The following NRG1 variants were observed in gnomAD, a reference collection of about 807,000 sequenced individuals.
NRG1 encodes pro-neuregulin-1, membrane-bound isoform.
A neutral mutation model predicts 63.8 loss-of-function variants in NRG1; 18 were observed. The observed-to-expected ratio is 0.28, with a 90% confidence interval of 0.19 to 0.42. The LOEUF (loss-of-function observed/expected upper bound fraction) is 0.42, where lower values mean the gene tolerates loss of function less well. Ranked by LOEUF, NRG1 falls within the 10% of genes least tolerant of loss-of-function variation. The pLI is 1.00. For synonymous variants in NRG1, 302 were observed against 301.3 expected (o/e 1.00, Z -0.02); for missense variants, 762 against 814.7 (o/e 0.94, Z 0.79).
At chr8:32,068,558 C>T (rs1041942602) in intron 1 of NRG1, among the ~76,000 whole-genome samples, 2 of 152,058 alleles carry the variant, frequency 1.3e-5, no homozygotes, top group Non-Finnish European at 2.9e-5. Flanking sequence ...GAGAGGAAGT[C>T]AATAGTGATG....
At chr8:31,876,608 T>C (rs941475164) in intron 1 of NRG1, among the ~76,000 whole-genome samples, 5 of 152,110 alleles carry the variant, frequency 3.3e-5, no homozygotes, top group African/African-American at 1.2e-4. Context: ...ACTAGACCAG[T>C]GGGGCTGAGA....
At chr8:32,198,735 A>G (rs973148884) in intron 1 of NRG1, among the ~76,000 whole-genome samples, 1 of 152,192 alleles carries the variant, frequency 6.6e-6, no homozygotes, top group Non-Finnish European at 1.5e-5. Flanking sequence ...AATTAACTTT[A>G]AATTAGTTAA....
intron 1 of NRG1, among the ~76,000 whole-genome samples, chr8:31,933,087 G>A (rs1432168811): frequency 1.3e-5 from 2 of 152,154 alleles, no homozygotes; most frequent in African/African-American, 4.8e-5. Context: ...TAGCTAGCAA[G>A]TATTGGCTTA....
chr8:32,369,648 C>G (rs1256159598), intron 1 of NRG1, among the ~76,000 whole-genome samples: 1 of 152,140 alleles, frequency 6.6e-6, no homozygotes, highest in Non-Finnish European at 1.5e-5. Flanking sequence ...GAGGAGATCA[C>G]CTTTATTAAA....
chr8:32,703,568 A>T (rs931653353), intron 5 of NRG1, among the ~76,000 whole-genome samples: 1 of 152,086 alleles, frequency 6.6e-6, no homozygotes, highest in Non-Finnish European at 1.5e-5. Flanking sequence ...AGAAAAAAAG[A>T]AATGTAATTC....
At chr8:32,022,665 CGT>C (rs2130249957) in intron 1 of NRG1, among the ~76,000 whole-genome samples, 1 of 152,114 alleles carries the variant, frequency 6.6e-6, no homozygotes, top group East Asian at 1.9e-4. Context: ...TTTTATATGA[CGT>C]ATACAATCAA....
chr8:32,298,513 C>A (rs1180339923), intron 1 of NRG1, among the ~76,000 whole-genome samples: 1 of 151,176 alleles, frequency 6.6e-6, no homozygotes, highest in Non-Finnish European at 1.5e-5. Flanking sequence ...GTCGGGAGTT[C>A]GAGACTAGCT....
chr8:32,551,266 G>A (rs544600327), intron 1 of NRG1, among the ~76,000 whole-genome samples: 4 of 152,330 alleles, frequency 2.6e-5, no homozygotes, highest in African/African-American at 9.6e-5. Flanking sequence ...GCCCAAATTA[G>A]GACTTAGGAG....
At chr8:32,079,127 G>T (rs1365809881) in intron 1 of NRG1, among the ~76,000 whole-genome samples, 1 of 145,082 alleles carries the variant, frequency 6.9e-6, no homozygotes, top group East Asian at 2.1e-4. Context: ...AACACAGAAT[G>T]TTTATGCATG....
intron 1 of NRG1, among the ~76,000 whole-genome samples, chr8:31,873,090 T>C (rs1316603182): frequency 6.6e-6 from 1 of 152,138 alleles, no homozygotes; most frequent in East Asian, 1.9e-4. Context: ...TAGCAAAGGG[T>C]ACATACAGCT....
Position 32,588,057 on chromosome 8 carries a change from G to A in NRG1, c.101-7771G>A, listed in dbSNP as rs10954861. On this transcript the variant is annotated intron_variant, in intron 1 of 11. Coordinates refer to ENST00000356819, the Ensembl canonical transcript of NRG1. Reference sequence around the variant, plus strand: ...GTGCCTCGGCCTCCCTAGTAACTGGGATTACAGATGTGTGCCACAATGCTT... The same window carrying A: ...GTGCCTCGGCCTCCCTAGTAACTGGAATTACAGATGTGTGCCACAATGCTT... Among the ~76,000 whole-genome samples the A allele has an allele frequency of 7.4e-3, 1,124 of 152,198 alleles. 8 individuals are homozygous for A. Among genetic ancestry groups the A allele is most frequent in the Middle Eastern group, 0.027 (8 of 294 alleles).
At chr8:32,602,700 A>G (rs1347371644) in intron 2 of NRG1, among the ~76,000 whole-genome samples, 4 of 152,290 alleles carry the variant, frequency 2.6e-5, no homozygotes, top group Non-Finnish European at 4.4e-5. Flanking sequence ...TAATTTATCT[A>G]TTATTGCTAG....
At chr8:32,334,254 G>A (rs1351313721) in intron 1 of NRG1, among the ~76,000 whole-genome samples, 6 of 152,082 alleles carry the variant, frequency 3.9e-5, no homozygotes, top group Admixed American at 3.3e-4. Flanking sequence ...AATGACAGTA[G>A]AGAAAATAAA....
At chr8:32,674,722 A>T (rs1806608906) in intron 5 of NRG1, among the ~76,000 whole-genome samples, 1 of 152,182 alleles carries the variant, frequency 6.6e-6, no homozygotes, top group Non-Finnish European at 1.5e-5. Context: ...ATTTAATTTA[A>T]TTTCTTAGAA....
At chr8:31,723,257 G>T (rs1306565016) in intron 1 of NRG1, among the ~76,000 whole-genome samples, 1 of 152,134 alleles carries the variant, frequency 6.6e-6, no homozygotes, top group Non-Finnish European at 1.5e-5. Flanking sequence ...AGTTCATCCT[G>T]TTGGTCTGTG....
chr8:32,268,454 G>T (rs1388226775), intron 1 of NRG1, among the ~76,000 whole-genome samples: 1 of 152,194 alleles, frequency 6.6e-6, no homozygotes, highest in African/African-American at 2.4e-5. Context: ...TGTCAATAGT[G>T]ATGATTGATG....
chr8:32,129,929 T>C (rs1434183108), intron 1 of NRG1, among the ~76,000 whole-genome samples: 1 of 151,966 alleles, frequency 6.6e-6, no homozygotes, highest in Non-Finnish European at 1.5e-5. Flanking sequence ...TGTAAATTTC[T>C]TGGATGACAA....
intron 5 of NRG1, among the ~76,000 whole-genome samples, chr8:32,694,589 T>C (rs1192628162): frequency 6.6e-6 from 1 of 152,188 alleles, no homozygotes; most frequent in African/African-American, 2.4e-5. Flanking sequence ...AAAACAACTA[T>C]GAAGACCCAC....
chr8:32,625,417 T>C (rs1386219454), intron 5 of NRG1, among the ~76,000 whole-genome samples: 3 of 152,240 alleles, frequency 2.0e-5, no homozygotes, highest in African/African-American at 7.2e-5. Context: ...ATGGGCTCTT[T>C]GGTTTGTTCT....
Sources: gnomAD v4.1 joint callset for allele counts (sites outside exome capture counted in the v4.1 genomes callset) on GRCh38, gnomAD v4.1.1 for gene constraint, MANE v1.5 for transcripts, NCBI Gene and HGNC (gene_info 2026-07-23, HGNC 2026-07-21) for gene names.